The following TTC39C variants were observed in gnomAD, a reference collection of about 807,000 sequenced individuals.
The protein encoded by TTC39C is tetratricopeptide repeat protein 39C.
A neutral mutation model predicts 76.3 loss-of-function variants in TTC39C; 33 were observed. The ratio of observed to expected loss-of-function variants is 0.43; its 90% CI spans 0.33 to 0.58. The LOEUF (loss-of-function observed/expected upper bound fraction) is 0.58, where lower values mean the gene tolerates loss of function less well. Ranked by LOEUF, TTC39C falls within the 20% of genes least tolerant of loss-of-function variation. The pLI is 0.04. For synonymous variants in TTC39C, 254 were observed against 260.6 expected (o/e 0.97, Z 0.24); for missense variants, 595 against 701.4 (o/e 0.85, Z 1.71).
chr18:24,022,678 T>C (rs1333833367), intron 1 of TTC39C: 1 of 985,282 alleles, frequency 1.0e-6, no homozygotes, highest in East Asian at 1.1e-4. Flanking sequence ...TCAGGGGAGA[T>C]GTCACCCCAA....
intron 1 of TTC39C, among the ~76,000 whole-genome samples, chr18:24,038,449 ATTTTTGTAG>A (rs2083756036): frequency 6.6e-6 from 1 of 151,900 alleles, no homozygotes; most frequent in Non-Finnish European, 1.5e-5. Flanking sequence ...TGCCCGGCTA[ATTTTTGTAG>A]TTTTTGTAGA....
chr18:24,023,991 TATATATATATATATATATATATATA>T (rs2083560657), intron 1 of TTC39C, among the ~76,000 whole-genome samples: 3 of 5,398 alleles, frequency 5.6e-4, no homozygotes, highest in African/African-American at 1.1e-3. Flanking sequence ...CATATATATA[TATATATATATATATATATATATATA>T]TTTTTTTTTT....
chr18:24,089,963 A>G (rs1483126305), intron 6 of TTC39C, among the ~76,000 whole-genome samples: 1 of 152,204 alleles, frequency 6.6e-6, no homozygotes, highest in African/African-American at 2.4e-5. Context: ...AGTGATAATT[A>G]CATTCTAAGC....
chr18:24,064,065 G>C, intron 1 of TTC39C, 75 bp from the exon 2 acceptor site: 1 of 1,590,502 alleles, frequency 6.3e-7, no homozygotes, highest in Non-Finnish European at 8.6e-7. Context: ...ATCATGATAT[G>C]TCAAATGCTT....
At chr18:24,049,091 G>A (rs140851446) in intron 1 of TTC39C, among the ~76,000 whole-genome samples, 54 of 152,276 alleles carry the variant, frequency 3.5e-4, no homozygotes, top group Non-Finnish European at 6.5e-4. Context: ...CATTCTACAG[G>A]TGGACAATTC....
chr18:24,116,768 A>G (rs1375289378), intron 7 of TTC39C, among the ~76,000 whole-genome samples: 1 of 137,318 alleles, frequency 7.3e-6, no homozygotes, highest in Non-Finnish European at 1.6e-5. Flanking sequence ...ATCCACAGTT[A>G]TTCCTTCTTA....
chr18:23,996,160 G>A (rs945517454), intron 1 of TTC39C, among the ~76,000 whole-genome samples: 1 of 152,220 alleles, frequency 6.6e-6, no homozygotes, highest in Non-Finnish European at 1.5e-5. Flanking sequence ...ATCAAAATGA[G>A]TGATGTTGAA....
chr18:24,099,005 A>ATGTGTGTGTGTGTGTGTGTGTGTGTG (rs71373362), intron 6 of TTC39C, among the ~76,000 whole-genome samples: 4 of 130,726 alleles, frequency 3.1e-5, no homozygotes, highest in African/African-American at 8.8e-5. Context: ...AGTTAGAGGA[A>ATGTGTGTGTGTGTGTGTGTGTGTGTG]TGTGTGTGTG....
chr18:24,084,541 G>C (rs1274820990), intron 6 of TTC39C, among the ~76,000 whole-genome samples: 1 of 152,096 alleles, frequency 6.6e-6, no homozygotes, highest in Non-Finnish European at 1.5e-5. Flanking sequence ...ACCAAGATCT[G>C]AATTATTTAA....
intron 1 of TTC39C, among the ~76,000 whole-genome samples, chr18:24,057,622 A>G (rs1220811991): frequency 6.6e-6 from 1 of 152,172 alleles, no homozygotes; most frequent in East Asian, 1.9e-4. Flanking sequence ...AGATTAATTC[A>G]TGTTATTGCG....
intron 6 of TTC39C, among the ~76,000 whole-genome samples, chr18:24,095,056 C>T (rs1041077854): frequency 6.6e-6 from 1 of 152,254 alleles, no homozygotes; most frequent in Non-Finnish European, 1.5e-5. Context: ...TAGCCTCCTT[C>T]ATCAATGATC....
At chr18:24,109,166 C>T (rs1364188171) in intron 6 of TTC39C, among the ~76,000 whole-genome samples, 1 of 105,290 alleles carries the variant, frequency 9.5e-6, no homozygotes, top group Non-Finnish European at 1.7e-5. Context: ...TAGCAAGACT[C>T]CCGTCTCTAC....
chr18:24,130,455 A>T (rs539757992), intron 12 of TTC39C, 38 bp downstream of exon 12: 2 of 857,340 alleles, frequency 2.3e-6, no homozygotes, highest in East Asian at 8.4e-5. Flanking sequence ...TATATTTTTA[A>T]TGTTGTTCAA....
chr18:24,122,798 C>T (rs186851495), intron 8 of TTC39C, among the ~76,000 whole-genome samples: 85 of 152,196 alleles, frequency 5.6e-4, no homozygotes, highest in Admixed American at 2.4e-3. Context: ...TCACTCATTC[C>T]TCAAGACTCC....
intron 1 of TTC39C, among the ~76,000 whole-genome samples, chr18:24,062,564 G>A (rs1307500197): frequency 6.6e-6 from 1 of 152,164 alleles, no homozygotes; most frequent in Non-Finnish European, 1.5e-5. Flanking sequence ...TTTGATCTAG[G>A]TTCATGGGTG....
In TTC39C at chr18:24,094,853, T is replaced by G. The variant is rs547004390; in HGVS notation, c.984+11772T>G. Among the ~76,000 whole-genome samples, 116 of 152,354 alleles carry G rather than the reference T, an allele frequency of 7.6e-4. 1 individual carries two copies. Among genetic ancestry groups the G allele is most frequent in the Admixed American group, 1.8e-3 (28 of 15,306 alleles). The stretch of plus-strand genomic sequence containing the variant: ...TATAGCCTAATTCTGAAGGGCCCTA[T>G]GATTTTCAAAATGTTAAGTGAGCAT... On this transcript the variant is annotated intron_variant, in intron 6 of 13. Transcript: ENST00000317571.
At chr18:24,123,445 C>T (rs573426109) in intron 8 of TTC39C, among the ~76,000 whole-genome samples, 251 of 152,202 alleles carry the variant, frequency 1.6e-3, no homozygotes, top group Non-Finnish European at 2.6e-3. Flanking sequence ...CTCATTCTGT[C>T]GCCCAGGCTG....
chr18:24,030,646 GC>G (rs1481482113), intron 1 of TTC39C, among the ~76,000 whole-genome samples: 1 of 47,746 alleles, frequency 2.1e-5, no homozygotes, highest in Non-Finnish European at 5.6e-5. Context: ...CCAAAGATAG[GC>G]CTTTTTTTTT....
At position 24,014,939 on chromosome 18, in the gene TTC39C, C is replaced by G. The variant is rs1189246795; in HGVS notation, c.68C>G (p.Ala23Gly). Residue 23 changes from alanine (A) to glycine (G), a missense_variant, in exon 1 of 14, where the codon GCG becomes GGG. Coordinates refer to ENST00000317571, the MANE Select transcript of TTC39C (RefSeq NM_001135993.2). The stretch of plus-strand genomic sequence containing the variant: ...GGAGACTCGGACGCGGCAGCGGCGG[C>G]GGCGGCGCCCCTGCAGGACGCGGAG... ...DDGDSDAAAA[A>G]AAPLQDAELA... 1 of 1,525,826 alleles carries G rather than the reference C, an allele frequency of 6.6e-7. No individual in the cohort carries two copies. Among genetic ancestry groups the G allele is most frequent in the Admixed American group, 2.1e-5 (1 of 48,092 alleles). The allele number at this position is 1,525,826 out of a possible 1,614,324, so 94.5% of individuals were successfully genotyped here.
Sources: gnomAD v4.1 joint callset for allele counts (sites outside exome capture counted in the v4.1 genomes callset) on GRCh38, gnomAD v4.1.1 for gene constraint, MANE v1.5 for transcripts, NCBI Gene and HGNC (gene_info 2026-07-23, HGNC 2026-07-21) for gene names.